Variants in PCDH11X observed in about 807,000 individuals in gnomAD.
PCDH11X encodes protocadherin-11 X-linked.
In PCDH11X, 18 loss-of-function variants were observed where a neutral mutation model predicts 53.3. The ratio of observed to expected loss-of-function variants is 0.34; its 90% CI spans 0.23 to 0.50. The LOEUF (loss-of-function observed/expected upper bound fraction) is 0.50. Among genes scored for constraint, PCDH11X ranks in the 20% least tolerant of loss-of-function variants. The pLI is 0.98. For synonymous variants in PCDH11X, 279 were observed against 393.3 expected (o/e 0.71, Z 3.44); for missense variants, 570 against 1,032.4 (o/e 0.55, Z 6.14).
intron 7 of PCDH11X, among the ~76,000 whole-genome samples, chrX:92,209,641 G>T (rs566086994): frequency 3.6e-5 from 4 of 111,372 alleles, no homozygotes; most frequent in Non-Finnish European, 7.5e-5. Context: ...ACTTTCAGTG[G>T]ATCTGCCATT....
chrX:92,282,863 G>C (rs2068280114), intron 8 of PCDH11X, among the ~76,000 whole-genome samples: 2 of 111,364 alleles, frequency 1.8e-5, no homozygotes, highest in African/African-American at 6.5e-5. Flanking sequence ...TAATGCTAAA[G>C]TTTTGGCACT....
chrX:92,203,879 C>T (rs138922487), intron 7 of PCDH11X, among the ~76,000 whole-genome samples: 4,817 of 112,029 alleles, frequency 0.043, 110 homozygotes, highest in Middle Eastern at 0.083. Flanking sequence ...AGTGCAGGGT[C>T]TGGAAAATAC....
chrX:92,102,896 G>T (rs2064291094), intron 6 of PCDH11X, among the ~76,000 whole-genome samples: 1 of 111,600 alleles, frequency 9.0e-6, no homozygotes, highest in Non-Finnish European at 1.9e-5. Flanking sequence ...TGGGGAAATG[G>T]TAAGGAGAGT....
chrX:91,812,811 G>A (rs5984824), intron 4 of PCDH11X, among the ~76,000 whole-genome samples: 35,455 of 109,782 alleles, frequency 0.32, 4,703 homozygotes, highest in African/African-American at 0.51. Context: ...CTTGTGCCTC[G>A]CAGTTCTTCC....
intron 6 of PCDH11X, among the ~76,000 whole-genome samples, chrX:91,891,444 A>G (rs1223088687): frequency 2.9e-5 from 3 of 102,575 alleles, no homozygotes; most frequent in Non-Finnish European, 5.9e-5. Context: ...GGTATAGCTC[A>G]TTATCTGTGC....
chrX:92,048,210 A>G, intron 6 of PCDH11X, among the ~76,000 whole-genome samples: 1 of 100,486 alleles, frequency 1.0e-5, no homozygotes, highest in Non-Finnish European at 2.0e-5. Context: ...ATAATTCTTG[A>G]TTACCTATTG....
intron 10 of PCDH11X, among the ~76,000 whole-genome samples, chrX:92,516,158 G>A (rs2074265720): frequency 9.0e-6 from 1 of 111,098 alleles, no homozygotes; most frequent in East Asian, 2.8e-4. Context: ...ATTGAATTGA[G>A]GGGTTGTTAA....
At chrX:92,457,354 A>T (rs926965739) in intron 9 of PCDH11X, among the ~76,000 whole-genome samples, 7 of 106,381 alleles carry the variant, frequency 6.6e-5, no homozygotes, top group Non-Finnish European at 1.4e-4. Flanking sequence ...ACAAAGTCCC[A>T]ATAAGATATA....
chrX:92,256,755 C>T (rs1335556431), intron 7 of PCDH11X, among the ~76,000 whole-genome samples: 1 of 110,040 alleles, frequency 9.1e-6, no homozygotes, highest in African/African-American at 3.3e-5. Context: ...GTTGTTCCAC[C>T]CTGTGTTTAT....
intron 6 of PCDH11X, among the ~76,000 whole-genome samples, chrX:92,153,043 C>A (rs947482026): frequency 1.9e-5 from 2 of 107,435 alleles, no homozygotes; most frequent in African/African-American, 6.9e-5. Flanking sequence ...ACCTTGGCCT[C>A]CCAAAGTGCT....
chrX:92,101,068 C>T (rs2064238714), intron 6 of PCDH11X, among the ~76,000 whole-genome samples: 1 of 111,417 alleles, frequency 9.0e-6, no homozygotes, highest in South Asian at 3.8e-4. Flanking sequence ...CATAGTCCTG[C>T]CAGCAAAGAT....
chrX:91,813,738 G>A (rs920107108), intron 4 of PCDH11X, among the ~76,000 whole-genome samples: 1 of 105,609 alleles, frequency 9.5e-6, no homozygotes, highest in Admixed American at 1.0e-4. Flanking sequence ...CCATAAAAAC[G>A]TGGAAGTAGA....
chrX:91,926,072 ACACG>A (rs1491386596), intron 6 of PCDH11X, among the ~76,000 whole-genome samples: 2 of 46,066 alleles, frequency 4.3e-5, no homozygotes, highest in Admixed American at 4.0e-4. Context: ...ACACACACAA[ACACG>A]CACACACACA....
chrX:92,273,722 AAC>A (rs1215472768), intron 8 of PCDH11X, among the ~76,000 whole-genome samples: 1 of 110,746 alleles, frequency 9.0e-6, no homozygotes, highest in African/African-American at 3.3e-5. Context: ...TGCTAGAAGA[AAC>A]ACATTTGTCG....
intron 10 of PCDH11X, among the ~76,000 whole-genome samples, chrX:92,475,491 T>TATTTCCTGAAGGA (rs2073363831): frequency 2.7e-5 from 3 of 111,995 alleles, no homozygotes; most frequent in African/African-American, 9.7e-5. Flanking sequence ...TTTAAATATG[T>TATTTCCTGAAGGA]CATGCCACTC....
intron 10 of PCDH11X, among the ~76,000 whole-genome samples, chrX:92,600,393 C>T (rs2148806874): frequency 9.0e-6 from 1 of 110,869 alleles, no homozygotes; most frequent in East Asian, 2.8e-4. Flanking sequence ...GACCTGGTGC[C>T]CTGCATTACA....
At chrX:92,299,720 G>T (rs2068682249) in intron 8 of PCDH11X, among the ~76,000 whole-genome samples, 2 of 110,649 alleles carry the variant, frequency 1.8e-5, no homozygotes, top group African/African-American at 3.3e-5. Context: ...TATCTAGCTA[G>T]CAGTCTATCT....
At chrX:91,926,455 T>C (rs756824620) in intron 6 of PCDH11X, among the ~76,000 whole-genome samples, 1 of 111,435 alleles carries the variant, frequency 9.0e-6, no homozygotes, top group East Asian at 2.9e-4. Flanking sequence ...AGAAAACATT[T>C]CATACCGTTG....
At chrX:91,809,341 T>C (rs1404814632) in intron 1 of PCDH11X, among the ~76,000 whole-genome samples, 125 bp from the exon 2 acceptor site, 3 of 110,888 alleles carry the variant, frequency 2.7e-5, no homozygotes, top group Non-Finnish European at 5.7e-5. Flanking sequence ...ATTCACATTC[T>C]TCGGTACTAT....
Sources: gnomAD v4.1 joint callset for allele counts (sites outside exome capture counted in the v4.1 genomes callset) on GRCh38, gnomAD v4.1.1 for gene constraint, MANE v1.5 for transcripts, NCBI Gene and HGNC (gene_info 2026-07-23, HGNC 2026-07-21) for gene names.